RAP1A: variants seen among roughly 807,000 people sequenced by gnomAD.
The protein encoded by RAP1A is RAP1A, member of RAS oncogene family.
Under a neutral mutation model 26.4 loss-of-function variants are expected in RAP1A, and 6 were observed. The observed-to-expected ratio is 0.23, with a 90% CI of 0.12 to 0.45. RAP1A has a LOEUF of 0.45. Among genes scored for constraint, RAP1A ranks in the 20% least tolerant of loss-of-function variants. The pLI is 0.99. For missense variants in RAP1A, 121 were observed against 217.2 expected (o/e 0.56, Z 2.78); for synonymous variants, 73 against 79.4 (o/e 0.92, Z 0.43).
chr1:111,632,111 G>C (rs1659584348), intron 1 of RAP1A, among the ~76,000 whole-genome samples: 1 of 152,002 alleles, frequency 6.6e-6, no homozygotes, highest in Admixed American at 6.6e-5. Context: ...GGGCAGGGTT[G>C]GTGGCATGTG....
intron 6 of RAP1A, among the ~76,000 whole-genome samples, chr1:111,707,239 T>A (rs1662222770): frequency 6.6e-6 from 1 of 152,184 alleles, no homozygotes; most frequent in South Asian, 2.1e-4. Context: ...TTTTAACGGT[T>A]AATTTAGTCT....
intron 1 of RAP1A, among the ~76,000 whole-genome samples, chr1:111,590,068 C>T (rs530864201): frequency 6.6e-6 from 1 of 152,282 alleles, no homozygotes; most frequent in South Asian, 2.1e-4. Context: ...CTGCACCCGG[C>T]CTACTATACT....
chr1:111,619,967 C>A (rs1474244127), intron 1 of RAP1A, 33 bp downstream of exon 1: 7 of 396,734 alleles, frequency 1.8e-5, no homozygotes, highest in Non-Finnish European at 2.7e-5. Flanking sequence ...CAGACGGCCC[C>A]AGAGGGAGCG....
chr1:111,559,588 A>G (rs1443065682), intron 1 of RAP1A, among the ~76,000 whole-genome samples: 4 of 152,168 alleles, frequency 2.6e-5, no homozygotes, highest in African/African-American at 9.7e-5. Flanking sequence ...CCTATCTATC[A>G]TGATATAATC....
chr1:111,583,105 G>C (rs1471615496), intron 1 of RAP1A, among the ~76,000 whole-genome samples: 2 of 152,100 alleles, frequency 1.3e-5, no homozygotes, highest in East Asian at 3.8e-4. Flanking sequence ...CAGAGCAGAG[G>C]CTGACAGGCA....
At chr1:111,618,480 G>T (rs1310530821), upstream of RAP1A, among the ~76,000 whole-genome samples, 1 of 152,144 alleles carries the variant, frequency 6.6e-6, no homozygotes, top group East Asian at 1.9e-4. Context: ...GTGCCTCTTG[G>T]TCCTTTCCTT....
At chr1:111,576,675 C>T (rs1381321424) in intron 1 of RAP1A, among the ~76,000 whole-genome samples, 1 of 152,160 alleles carries the variant, frequency 6.6e-6, no homozygotes, top group African/African-American at 2.4e-5. Flanking sequence ...GTGCTTATGG[C>T]ACTGTTTGCT....
chr1:111,653,927 G>T (rs1176754056), intron 1 of RAP1A, among the ~76,000 whole-genome samples: 1 of 152,054 alleles, frequency 6.6e-6, no homozygotes, highest in African/African-American at 2.4e-5. Flanking sequence ...TTAGGAAGGG[G>T]TATAAACCAA....
intron 5 of RAP1A, 129 bp from the exon 6 acceptor site, chr1:111,704,214 A>T: frequency 5.5e-6 from 4 of 733,078 alleles, no homozygotes; most frequent in South Asian, 3.6e-5. Flanking sequence ...ACTTTTCGTT[A>T]GTATTTGATG....
intron 3 of RAP1A, among the ~76,000 whole-genome samples, 185 bp from the exon 4 acceptor site, chr1:111,697,256 G>A (rs993125062): frequency 6.6e-6 from 1 of 152,132 alleles, no homozygotes; most frequent in South Asian, 2.1e-4. Context: ...TCTGTAATAT[G>A]AATAGACTGT....
intron 1 of RAP1A, among the ~76,000 whole-genome samples, chr1:111,655,571 T>C (rs1023188833): frequency 6.6e-6 from 1 of 151,434 alleles, no homozygotes; most frequent in Admixed American, 6.6e-5. Context: ...CTATTAGGGA[T>C]ATGGTGAAAT....
chr1:111,672,025 T>G (rs1310873669), intron 1 of RAP1A, among the ~76,000 whole-genome samples: 1 of 152,210 alleles, frequency 6.6e-6, no homozygotes, highest in Non-Finnish European at 1.5e-5. Context: ...CATGGTCTGT[T>G]CTAGTAAATT....
At chr1:111,617,046 A>G (rs1197207965), upstream of RAP1A, among the ~76,000 whole-genome samples, 2 of 151,990 alleles carry the variant, frequency 1.3e-5, no homozygotes, top group Admixed American at 6.6e-5. Flanking sequence ...GTGTATGCGC[A>G]TGTGTGTGTG....
chr1:111,670,027 C>A (rs1660924430), intron 1 of RAP1A, among the ~76,000 whole-genome samples: 1 of 151,934 alleles, frequency 6.6e-6, no homozygotes, highest in Non-Finnish European at 1.5e-5. Context: ...GCTAAAATAT[C>A]CTTGAAGAGT....
intron 1 of RAP1A, among the ~76,000 whole-genome samples, chr1:111,570,295 T>C (rs1368885516): frequency 6.6e-6 from 1 of 152,110 alleles, no homozygotes; most frequent in East Asian, 1.9e-4. Context: ...TACACTAAAG[T>C]TGAAAGGGAT....
At chr1:111,660,960 A>G (rs1484744282) in intron 1 of RAP1A, among the ~76,000 whole-genome samples, 2 of 152,174 alleles carry the variant, frequency 1.3e-5, no homozygotes, top group South Asian at 2.1e-4. Context: ...ACTCTTCTAG[A>G]TTATAAACCT....
At chr1:111,643,744 G>C (rs1231494082) in intron 1 of RAP1A, among the ~76,000 whole-genome samples, 2 of 152,198 alleles carry the variant, frequency 1.3e-5, no homozygotes, top group Non-Finnish European at 2.9e-5. Context: ...CTGGTGTGTA[G>C]TAGGTCTTCT....
chr1:111,607,683 G>T (rs1364939373), intron 1 of RAP1A, among the ~76,000 whole-genome samples: 1 of 147,006 alleles, frequency 6.8e-6, no homozygotes, highest in Non-Finnish European at 1.5e-5. Flanking sequence ...GGCTGGCCGG[G>T]CGGCGGGCTG....
intron 1 of RAP1A, among the ~76,000 whole-genome samples, chr1:111,556,901 T>TTTTA (rs149251212): frequency 1.3e-5 from 2 of 148,312 alleles, no homozygotes; most frequent in Non-Finnish European, 3.0e-5. Flanking sequence ...ACATTTTACA[T>TTTTA]TATATATATG....
Sources: allele counts gnomAD v4.1 joint callset (sites outside exome capture counted in the v4.1 genomes callset), GRCh38; gene constraint gnomAD v4.1.1; transcripts MANE v1.5; gene names NCBI Gene and HGNC (gene_info 2026-07-23, HGNC 2026-07-21).